Variants in GPD2 observed in about 807,000 individuals in gnomAD.
The protein encoded by GPD2 is glycerol-3-phosphate dehydrogenase, mitochondrial.
GPD2 carries 54 observed loss-of-function variants against 82.4 expected under a neutral mutation model. The ratio of observed to expected loss-of-function variants is 0.66; its 90% CI spans 0.53 to 0.82. The LOEUF is 0.82. Ranked by LOEUF, GPD2 falls within the 40% of genes least tolerant of loss-of-function variation. The probability of loss-of-function intolerance (pLI) is 0.00; values close to 1 mark genes in which losing one functional copy is unlikely to be tolerated. For missense variants in GPD2, 748 were observed against 896.2 expected (o/e 0.83, Z 2.11); for synonymous variants, 288 against 306.1 (o/e 0.94, Z 0.62).
At chr2:156,520,618 C>T (rs1237007815) in intron 6 of GPD2, among the ~76,000 whole-genome samples, 2 of 150,812 alleles carry the variant, frequency 1.3e-5, no homozygotes, top group African/African-American at 2.4e-5. Flanking sequence ...TGGAGTCTCA[C>T]TCTGTCGCTC....
chr2:156,506,916 A>G (rs1684804119), intron 3 of GPD2, among the ~76,000 whole-genome samples: 2 of 152,240 alleles, frequency 1.3e-5, no homozygotes. Context: ...TTTTATAATA[A>G]TAAATTAACA....
intron 9 of GPD2, among the ~76,000 whole-genome samples, chr2:156,563,713 A>C (rs1232346290): frequency 6.6e-6 from 1 of 152,138 alleles, no homozygotes; most frequent in Admixed American, 6.6e-5. Flanking sequence ...TTTCAGTGAA[A>C]GGATGCTCCG....
chr2:156,568,742 G>T, intron 9 of GPD2, 83 bp from the exon 10 acceptor site: 1 of 1,243,480 alleles, frequency 8.0e-7, no homozygotes, highest in Non-Finnish European at 1.2e-6. Context: ...TCCTGTCACC[G>T]AACTCTTTTT....
chr2:156,461,897 C>G (rs1232662140), intron 1 of GPD2, among the ~76,000 whole-genome samples: 1 of 152,202 alleles, frequency 6.6e-6, no homozygotes, highest in Non-Finnish European at 1.5e-5. Flanking sequence ...AATGCTCCTC[C>G]TCCTGTCTTC....
At chr2:156,527,819 G>A (rs1685669756) in intron 6 of GPD2, among the ~76,000 whole-genome samples, 1 of 151,898 alleles carries the variant, frequency 6.6e-6, no homozygotes, top group South Asian at 2.1e-4. Flanking sequence ...ATATTTCCCA[G>A]GAATTTTAAA....
chr2:156,578,991 G>C lies in GPD2; in HGVS notation c.1870G>C (p.Asp624His). The C allele has an allele frequency of 6.3e-7, 1 of 1,595,164 alleles. No individual in the cohort carries two copies. The highest frequency in any genetic ancestry group is 8.6e-7 in the Non-Finnish European group (1 of 1,162,984). ...DRSEISLLPS[D>H]IDRYKKRFHK... ...CTCTGAAATTAGCCTACTGCCTTCA[G>C]ACATTGACAGGTACTTATAATAAGT... The change falls in exon 14 of 17, where the codon GAC (aspartate) becomes CAC (histidine). Residue 624 changes from aspartate to histidine, a missense_variant. Coordinates refer to ENST00000438166, the MANE Select transcript of GPD2 (RefSeq NM_000408.5).
intron 13 of GPD2, among the ~76,000 whole-genome samples, chr2:156,577,749 C>T (rs561742707): frequency 5.3e-4 from 81 of 152,166 alleles, no homozygotes; most frequent in African/African-American, 1.4e-3. Context: ...AGTGGCTCAT[C>T]GCAGCAAGCA....
chr2:156,409,240 C>T, the GPD2 span, among the ~76,000 whole-genome samples: 3 of 152,146 alleles, frequency 2.0e-5, no homozygotes, highest in Non-Finnish European at 2.9e-5. Flanking sequence ...CTCTAGCAAA[C>T]TAATGCATTA....
intron 1 of GPD2, among the ~76,000 whole-genome samples, chr2:156,455,739 T>C (rs1465587354): frequency 1.4e-5 from 1 of 73,612 alleles, no homozygotes; most frequent in Non-Finnish European, 3.2e-5. Context: ...TAGCGCCTTG[T>C]CCTTATTTTT....
At chr2:156,532,743 T>C (rs1164203496) in intron 6 of GPD2, among the ~76,000 whole-genome samples, 1 of 152,138 alleles carries the variant, frequency 6.6e-6, no homozygotes, top group African/African-American at 2.4e-5. Flanking sequence ...ACAAATGCTT[T>C]ATAGGAATTT....
At chr2:156,489,707 CCTT>C in intron 2 of GPD2, among the ~76,000 whole-genome samples, 1 of 118,924 alleles carries the variant, frequency 8.4e-6, no homozygotes, top group Non-Finnish European at 1.8e-5. Context: ...TTCCTTCCTT[CCTT>C]CCTTCCTTCC....
chr2:156,458,773 C>T (rs892123565), intron 1 of GPD2, among the ~76,000 whole-genome samples: 31 of 151,966 alleles, frequency 2.0e-4, no homozygotes, highest in African/African-American at 7.5e-4. Flanking sequence ...TCTTTTTTTT[C>T]AGGTCTCTTT....
upstream of GPD2, among the ~76,000 whole-genome samples, chr2:156,436,233 G>C (rs1021883982): frequency 1.3e-5 from 2 of 152,248 alleles, no homozygotes. Flanking sequence ...TGGGCCCGAG[G>C]TATCCGGGCA....
rs1250356996 is a variant in GPD2 at position 156,549,599 on chromosome 2, C to T, written c.662-9C>T. On this transcript the variant is annotated splice_polypyrimidine_tract_variant and intron_variant, in intron 6 of 16. Coordinates refer to ENST00000438166, the MANE Select transcript of GPD2 (RefSeq NM_000408.5). ...TCCTCTCCCTCCCCTGATGCTTTCCCCGCTGCAGGACAACATAACGATGCA... is the reference window on the plus strand; with the variant it reads ...TCCTCTCCCTCCCCTGATGCTTTCCTCGCTGCAGGACAACATAACGATGCA... 19 of 1,613,558 alleles carry T rather than the reference C, an allele frequency of 1.2e-5. No individual in the cohort carries two copies. Among genetic ancestry groups the T allele is most frequent in the Non-Finnish European group, 1.6e-5 (19 of 1,179,600 alleles).
chr2:156,576,771 T>G (rs1362065801), intron 13 of GPD2, among the ~76,000 whole-genome samples: 2 of 152,200 alleles, frequency 1.3e-5, no homozygotes, highest in Admixed American at 1.3e-4. Context: ...GGAGTATAGA[T>G]AAATTACACA....
chr2:156,485,461 A>G (rs147824491), intron 2 of GPD2, among the ~76,000 whole-genome samples: 3 of 152,336 alleles, frequency 2.0e-5, no homozygotes, highest in Admixed American at 6.5e-5. Context: ...TTTGTAAATG[A>G]TCATGCCTCA....
intron 8 of GPD2, among the ~76,000 whole-genome samples, chr2:156,550,980 T>A (rs1194658850): frequency 6.6e-6 from 1 of 152,260 alleles, no homozygotes; most frequent in African/African-American, 2.4e-5. Context: ...TATTTTTCTT[T>A]GTTCAGTGTA....
the GPD2 span, among the ~76,000 whole-genome samples, chr2:156,425,435 A>G: frequency 6.6e-6 from 1 of 152,264 alleles, no homozygotes; most frequent in East Asian, 1.9e-4. Context: ...GTATTTGATT[A>G]TGTCACTTAA....
At chr2:156,445,314 T>A (rs556193448) in intron 1 of GPD2, among the ~76,000 whole-genome samples, 1 of 152,192 alleles carries the variant, frequency 6.6e-6, no homozygotes, top group Non-Finnish European at 1.5e-5. Context: ...TTAAAAACTG[T>A]TTTAAAAACA....
Sources: gnomAD v4.1 joint callset for allele counts (sites outside exome capture counted in the v4.1 genomes callset) on GRCh38, gnomAD v4.1.1 for gene constraint, MANE v1.5 for transcripts, NCBI Gene and HGNC (gene_info 2026-07-23, HGNC 2026-07-21) for gene names.